The following PHF8 variants were observed in gnomAD, a reference collection of about 807,000 sequenced individuals.
PHF8 encodes the protein histone lysine demethylase PHF8.
PHF8 carries 9 observed loss-of-function variants against 74.4 expected under a neutral mutation model. The ratio of observed to expected loss-of-function variants is 0.12; its 90% CI spans 0.07 to 0.21. The LOEUF is 0.21. PHF8 is among the 10% of genes least tolerant of loss of function. The probability of loss-of-function intolerance (pLI) is 1.00; values close to 1 mark genes in which losing one functional copy is unlikely to be tolerated. For missense variants in PHF8, 478 were observed against 816.6 expected, an observed-to-expected ratio of 0.59 and a Z score of 5.05; for synonymous variants, 311 against 316.6, an observed-to-expected ratio of 0.98 and a Z score of 0.19.
At chrX:53,948,895 C>T (rs782094014) in intron 19 of PHF8, among the ~76,000 whole-genome samples, 1 of 106,942 alleles carries the variant, frequency 9.4e-6, no homozygotes, top group Non-Finnish European at 1.9e-5. Flanking sequence ...CATGGAGGTG[C>T]ATGCCTGTAA....
At position 53,987,739 on chromosome X, in the gene PHF8, G is replaced by A. The variant is rs182965378; in HGVS notation, c.1909+27C>T. 1.8e-4 allele frequency: 202 copies of A among 1,135,408 alleles called. No homozygotes were observed. The African/African-American group carries it at 3.2e-3, about 18-fold the overall frequency. The allele number at this position is 1,135,408 out of a possible 1,213,427, so 93.6% of individuals were successfully genotyped here. ...CAAACAAACAAAAAAACGGGCAGGG[G>A]AGGAAAAAGAAAGAACAGACACACA... On this transcript the variant is annotated intron_variant, in intron 15 of 21. Transcript: ENST00000338154.
intron 18 of PHF8, among the ~76,000 whole-genome samples, chrX:53,974,945 T>G (rs1194066401): frequency 1.8e-5 from 2 of 111,677 alleles, no homozygotes; most frequent in African/African-American, 6.5e-5. Context: ...GAAGAACAGC[T>G]AATGGATGCT....
intron 19 of PHF8, among the ~76,000 whole-genome samples, chrX:53,959,589 A>G (rs1403634249): frequency 9.0e-6 from 1 of 110,764 alleles, no homozygotes; most frequent in East Asian, 2.8e-4. Context: ...GGTAATCAAG[A>G]GAGATTGACG....
intron 3 of PHF8, 37 bp downstream of exon 3, chrX:54,022,721 G>A: frequency 3.2e-6 from 3 of 928,574 alleles, no homozygotes; most frequent in Non-Finnish European, 4.7e-6. Flanking sequence ...TCTCTCCTCT[G>A]GATTGTCTTC....
intron 11 of PHF8, among the ~76,000 whole-genome samples, chrX:53,998,708 A>G (rs111730151): frequency 0.13 from 14,013 of 110,987 alleles, 900 homozygotes; most frequent in African/African-American, 0.24. Flanking sequence ...ACCTTGACAA[A>G]TTTTGGAGAT....
rs782357345 is a variant in PHF8, at chrX:54,012,939, CA to C, written c.783+1437del. Among the ~76,000 whole-genome samples the C allele has an allele frequency of 7.0e-3, 270 of 38,590 alleles. 3 individuals are homozygous for C. Among genetic ancestry groups the C allele is most frequent in the South Asian group, 0.057 (49 of 863 alleles). The allele number at this position is 38,590 out of a possible 115,157, so 33.5% of individuals were successfully genotyped here. A position where few individuals can be genotyped will look rare whatever the true frequency, so the allele number is the denominator to read the frequency against. On this transcript the variant is annotated intron_variant, in intron 7 of 21. Transcript: ENST00000338154. ...TGGGTGACAAAGTGAGAGACTGTCT[CA>C]AAAAAAAAAAAAAAAAAGGTAAAAA... is the stretch of plus-strand genomic sequence containing the variant.
chrX:54,007,109 C>T (rs1339464898), intron 8 of PHF8, among the ~76,000 whole-genome samples: 2 of 111,451 alleles, frequency 1.8e-5, no homozygotes, highest in African/African-American at 6.5e-5. Context: ...GAAATAAACC[C>T]TTATCTTTGG....
intron 11 of PHF8, among the ~76,000 whole-genome samples, chrX:53,996,526 C>T (rs1178032204): frequency 1.8e-5 from 2 of 109,814 alleles, no homozygotes; most frequent in East Asian, 2.8e-4. Flanking sequence ...GGTTGGAAAC[C>T]CTTGCTATAT....
At chrX:53,994,410 C>T (rs1208654856) in intron 12 of PHF8, among the ~76,000 whole-genome samples, 3 of 112,470 alleles carry the variant, frequency 2.7e-5, no homozygotes, top group Admixed American at 9.4e-5. Context: ...CCCCGAGAAT[C>T]GGGGGAAGGT....
At chrX:54,011,356 A>AG (rs1557106711) in intron 7 of PHF8, 72 bp from the exon 8 acceptor site, 1 of 867,092 alleles carries the variant, frequency 1.2e-6, no homozygotes, top group Non-Finnish European at 1.7e-6. Context: ...GGTACTCCAA[A>AG]GGGGTATTTC....
chrX:53,986,030 C>T (rs2065559368), intron 16 of PHF8, 81 bp from the exon 17 acceptor site: 1 of 906,315 alleles, frequency 1.1e-6, no homozygotes, highest in Non-Finnish European at 1.6e-6. Flanking sequence ...GATCTGACTC[C>T]TGATATTAAT....
chrX:54,002,241 C>T lies in PHF8; in HGVS notation c.1055G>A (p.Arg352Gln). Residue 352 changes from arginine to glutamine, a missense_variant, in exon 10 of 22, where the codon CGG becomes CAG. By Grantham distance (43) the Arg-to-Gln change is conservative (BLOSUM62 1). Transcript: ENST00000338154. ...MQLKAYEIEK[R>Q]LSTADLFRFP... ...TCTGAAGAGGTCTGCTGTGCTCAGCCGCTTCTCAATCTCATAGGCTCTAGA... is the reference window on the plus strand; with the variant it reads ...TCTGAAGAGGTCTGCTGTGCTCAGCTGCTTCTCAATCTCATAGGCTCTAGA... 3 of 1,188,303 alleles carry T rather than the reference C, an allele frequency of 2.5e-6. No individual in the cohort carries two copies. Among genetic ancestry groups the T allele is most frequent in the Non-Finnish European group, 2.3e-6 (2 of 874,673 alleles).
chrX:54,024,695 G>A (rs931059291), intron 2 of PHF8, among the ~76,000 whole-genome samples: 1 of 111,582 alleles, frequency 9.0e-6, no homozygotes, highest in East Asian at 2.8e-4. Context: ...GACTAATGCC[G>A]GTCTGTGAAC....
At chrX:54,012,423 G>C (rs1053492915) in intron 7 of PHF8, among the ~76,000 whole-genome samples, 12 of 111,421 alleles carry the variant, frequency 1.1e-4, no homozygotes, top group East Asian at 8.4e-4. Flanking sequence ...TAAACCAATG[G>C]AAACAACTAG....
At chrX:53,992,599 A>T in intron 14 of PHF8, 137 bp downstream of exon 14, 2 of 495,604 alleles carry the variant, frequency 4.0e-6, no homozygotes, top group Non-Finnish European at 7.3e-6. Flanking sequence ...ACAATACATT[A>T]TAATATCTAG....
chrX:54,023,904 G>GCAGAGAA (rs1175939807), intron 2 of PHF8, among the ~76,000 whole-genome samples: 1 of 106,070 alleles, frequency 9.4e-6, no homozygotes, highest in African/African-American at 3.5e-5. Context: ...ACCACACACA[G>GCAGAGAA]CAGAGAACAT....
chrX:53,955,123 T>G (rs2064993749), intron 19 of PHF8, among the ~76,000 whole-genome samples: 1 of 112,183 alleles, frequency 8.9e-6, no homozygotes, highest in Admixed American at 9.5e-5. Flanking sequence ...TCTTGATTTT[T>G]GGATAGCTGG....
At chrX:53,998,699 C>G (rs1245960447) in intron 11 of PHF8, among the ~76,000 whole-genome samples, 2 of 111,282 alleles carry the variant, frequency 1.8e-5, no homozygotes, top group African/African-American at 3.3e-5. Context: ...CGGTTGTGCA[C>G]CTTGACAAAT....
chrX:53,950,674 A>G (rs1202465514), intron 19 of PHF8, among the ~76,000 whole-genome samples: 3 of 112,432 alleles, frequency 2.7e-5, no homozygotes, highest in Admixed American at 9.5e-5. Context: ...CAATCATGAG[A>G]CATCTACTAA....
Sources: allele counts gnomAD v4.1 joint callset (sites outside exome capture counted in the v4.1 genomes callset), GRCh38; gene constraint gnomAD v4.1.1; transcripts MANE v1.5; gene names NCBI Gene and HGNC (gene_info 2026-07-23, HGNC 2026-07-21).